SLCO1B1: variants seen among roughly 807,000 people sequenced by gnomAD.
The protein encoded by SLCO1B1 is OATP-2.
SLCO1B1 carries 81 observed loss-of-function variants against 70.1 expected under a neutral mutation model. The ratio of observed to expected loss-of-function variants is 1.16; its 90% CI spans 0.97 to 1.39. The LOEUF (loss-of-function observed/expected upper bound fraction) is 1.39, where lower values mean the gene tolerates loss of function less well. Ranked by LOEUF, SLCO1B1 falls within the 40% of genes most tolerant of loss-of-function variation. The pLI is 0.00. For missense variants in SLCO1B1, 895 were observed against 799.6 expected (o/e 1.12, Z -1.44); for synonymous variants, 283 against 271.5 (o/e 1.04, Z -0.42).
chr12:21,156,975 G>A (rs1258959277), intron 2 of SLCO1B1, among the ~76,000 whole-genome samples: 3 of 152,102 alleles, frequency 2.0e-5, no homozygotes, highest in Non-Finnish European at 2.9e-5. Context: ...TTCCAAATAT[G>A]ATACATGTAC....
chr12:21,202,832 T>G, intron 10 of SLCO1B1, 146 bp downstream of exon 10: 1 of 662,998 alleles, frequency 1.5e-6, no homozygotes, highest in Non-Finnish European at 2.5e-6. Context: ...TTAAAATATC[T>G]GTTTCTTAAG....
At chr12:21,170,805 T>G (rs1940747643) in intron 2 of SLCO1B1, among the ~76,000 whole-genome samples, 1 of 152,246 alleles carries the variant, frequency 6.6e-6, no homozygotes, top group Non-Finnish European at 1.5e-5. Flanking sequence ...ATAGCATATA[T>G]CATTTGATAG....
intron 2 of SLCO1B1, among the ~76,000 whole-genome samples, chr12:21,170,949 A>G (rs1940749018): frequency 6.6e-6 from 1 of 152,210 alleles, no homozygotes; most frequent in South Asian, 2.1e-4. Context: ...ATGTTCACTC[A>G]TTATTTCTTA....
At chr12:21,202,421 TTG>T in intron 9 of SLCO1B1, 68 bp from the exon 10 acceptor site, 2 of 974,340 alleles carry the variant, frequency 2.1e-6, no homozygotes, top group Non-Finnish European at 3.1e-6. Flanking sequence ...TTGACATACA[TTG>T]TGTTTCATCT....
rs4149057 is a variant in SLCO1B1 at position 21,178,665 on chromosome 12, T to C, written c.571T>C (p.Leu191=). ...AATAGGGGAGACTCCCATAGTACCA[T>C]TGGGGCTTTCTTACATTGATGATTT... ...RGIGETPIVP[L]GLSYIDDFAK... The change falls in exon 6 of 15, where the codon TTG becomes CTG. Residue 191 remains leucine, a synonymous_variant. Coordinates refer to ENST00000256958, the MANE Select transcript of SLCO1B1 (RefSeq NM_006446.5). 925,968 of 1,605,080 alleles carry C rather than the reference T, an allele frequency of 0.58. 277,485 individuals are homozygous for C. Among genetic ancestry groups the C allele is most frequent in the Non-Finnish European group, 0.62 (729,918 of 1,171,974 alleles).
chr12:21,191,964 C>T (rs1485633282), intron 7 of SLCO1B1, among the ~76,000 whole-genome samples: 1 of 151,840 alleles, frequency 6.6e-6, no homozygotes, highest in Non-Finnish European at 1.5e-5. Flanking sequence ...GTATAAATCC[C>T]CCTTGAATAT....
At chr12:21,153,122 G>A (rs1416555448) in intron 2 of SLCO1B1, among the ~76,000 whole-genome samples, 1 of 152,102 alleles carries the variant, frequency 6.6e-6, no homozygotes, top group Non-Finnish European at 1.5e-5. Context: ...GAAGGCAGTC[G>A]ATTGCCATTG....
At chr12:21,211,455 C>T (rs972522219) in intron 11 of SLCO1B1, among the ~76,000 whole-genome samples, 1 of 152,266 alleles carries the variant, frequency 6.6e-6, no homozygotes, top group African/African-American at 2.4e-5. Context: ...CTGCTGGATT[C>T]ATTTTGCCAG....
intron 1 of SLCO1B1, among the ~76,000 whole-genome samples, chr12:21,138,715 C>T (rs569265318): frequency 6.6e-6 from 1 of 152,140 alleles, no homozygotes; most frequent in Non-Finnish European, 1.5e-5. Context: ...ATATTATCAA[C>T]AGGTGGTAAG....
intron 2 of SLCO1B1, among the ~76,000 whole-genome samples, chr12:21,169,121 C>T (rs1197750332): frequency 2.6e-5 from 4 of 152,192 alleles, no homozygotes; most frequent in Admixed American, 1.3e-4. Context: ...AGAGGCTGTC[C>T]GCTTCCTTGT....
intron 2 of SLCO1B1, among the ~76,000 whole-genome samples, chr12:21,147,240 C>T (rs1453307674): frequency 1.3e-5 from 2 of 152,062 alleles, no homozygotes; most frequent in Non-Finnish European, 2.9e-5. Context: ...GATTGTCTTG[C>T]TTTGTTTTGG....
chr12:21,136,835 A>G (rs1385446046), intron 1 of SLCO1B1, among the ~76,000 whole-genome samples: 2 of 152,150 alleles, frequency 1.3e-5, no homozygotes, highest in Non-Finnish European at 2.9e-5. Context: ...TCAACTTGTC[A>G]AAGTCATTCT....
intron 7 of SLCO1B1, among the ~76,000 whole-genome samples, chr12:21,187,425 C>T (rs368814475): frequency 7.9e-5 from 12 of 152,006 alleles, no homozygotes; most frequent in Non-Finnish European, 1.2e-4. Context: ...TCATATCAGT[C>T]GATGCCCCTG....
intron 4 of SLCO1B1, among the ~76,000 whole-genome samples, chr12:21,176,055 C>T (rs1465009585): frequency 1.3e-5 from 2 of 152,022 alleles, no homozygotes; most frequent in Non-Finnish European, 2.9e-5. Context: ...CTGATCTATT[C>T]CCGCAACCTC....
intron 2 of SLCO1B1, among the ~76,000 whole-genome samples, chr12:21,159,541 G>C (rs1315329893): frequency 3.3e-5 from 5 of 152,206 alleles, no homozygotes; most frequent in South Asian, 2.1e-4. Context: ...GAGAAAATAT[G>C]ATAGTTTATT....
At chr12:21,133,557 A>G (rs979661774) in intron 1 of SLCO1B1, among the ~76,000 whole-genome samples, 2 of 152,052 alleles carry the variant, frequency 1.3e-5, no homozygotes, top group African/African-American at 4.8e-5. Context: ...CATCCCTTGT[A>G]AGTTGGATTC....
intron 2 of SLCO1B1, among the ~76,000 whole-genome samples, chr12:21,150,478 T>C (rs1018214401): frequency 6.6e-6 from 1 of 152,024 alleles, no homozygotes; most frequent in African/African-American, 2.4e-5. Context: ...CCCTCTGGAA[T>C]GAAGCTTCCA....
At chr12:21,225,237 T>C (rs1240113647) in intron 14 of SLCO1B1, among the ~76,000 whole-genome samples, 3 of 152,140 alleles carry the variant, frequency 2.0e-5, no homozygotes, top group African/African-American at 7.2e-5. Context: ...GTGTATTCGA[T>C]TGCCTCTGAC....
rs142279338 is a variant in SLCO1B1, at chr12:21,147,903, C to T, written c.84+6245C>T. 3.7e-3 allele frequency among the ~76,000 whole-genome samples: 570 copies of T among 152,224 alleles called. 2 individuals carry two copies. The highest frequency in any genetic ancestry group is 0.013 in the African/African-American group (522 of 41,548). ...TTCCTGACTTTTTAATGATCGCTTC[C>T]AACTGGCGTGAGATAGTATCTCATT... On this transcript the variant is annotated intron_variant, in intron 2 of 14. Coordinates refer to ENST00000256958, the MANE Select transcript of SLCO1B1 (RefSeq NM_006446.5).
Sources: allele counts gnomAD v4.1 joint callset (sites outside exome capture counted in the v4.1 genomes callset), GRCh38; gene constraint gnomAD v4.1.1; transcripts MANE v1.5; gene names NCBI Gene and HGNC (gene_info 2026-07-23, HGNC 2026-07-21).